The following RSL24D1 variants were observed in gnomAD, a reference collection of about 807,000 sequenced individuals.
The protein encoded by RSL24D1 is probable ribosome biogenesis protein RLP24.
In RSL24D1, 6 loss-of-function variants were observed where a neutral mutation model predicts 26.2. The observed-to-expected ratio is 0.23, with a 90% CI of 0.13 to 0.45. The LOEUF (loss-of-function observed/expected upper bound fraction) is 0.45, where lower values mean the gene tolerates loss of function less well. Among genes scored for constraint, RSL24D1 ranks in the 20% least tolerant of loss-of-function variants. The pLI is 0.99. For missense variants in RSL24D1, 176 were observed against 202.6 expected, an observed-to-expected ratio of 0.87 and a Z score of 0.80; for synonymous variants, 61 against 59.1, an observed-to-expected ratio of 1.03 and a Z score of -0.15.
chr15:55,190,860 C>T (rs1386692365), intron 3 of RSL24D1, 115 bp downstream of exon 3: 2 of 707,362 alleles, frequency 2.8e-6, no homozygotes, highest in Non-Finnish European at 4.8e-6. Flanking sequence ...ATAATAAAAG[C>T]CAAGGAATGA....
chr15:55,183,085 G>A (rs1894186921), intron 5 of RSL24D1, among the ~76,000 whole-genome samples: 1 of 152,108 alleles, frequency 6.6e-6, no homozygotes, highest in African/African-American at 2.4e-5. Context: ...AAATCATTTT[G>A]CATAACTTGG....
chr15:55,189,103 A>G (rs1428408648), intron 3 of RSL24D1, among the ~76,000 whole-genome samples: 2 of 151,626 alleles, frequency 1.3e-5, no homozygotes, highest in Admixed American at 1.3e-4. Flanking sequence ...TGAGGCAGGA[A>G]AATTGCTTGA....
At chr15:55,186,800 T>TGA (rs60099740) in intron 3 of RSL24D1, among the ~76,000 whole-genome samples, 41,309 of 151,960 alleles carry the variant, frequency 0.27, 7,282 homozygotes, top group African/African-American at 0.5. Context: ...TGTGGTTATG[T>TGA]GAGAATGCTC....
chr15:55,185,463 T>C (rs1241722531), intron 3 of RSL24D1, 38 bp from the exon 4 acceptor site: 2 of 1,455,716 alleles, frequency 1.4e-6, no homozygotes, highest in South Asian at 2.4e-5. Flanking sequence ...TGTATGCACA[T>C]TCAAGCGGTA....
rs1303810947 is a variant in RSL24D1, at chr15:55,181,381, T to C, written c.*771A>G. The C allele has an allele frequency of 2.0e-5, 3 of 152,610 alleles. No individual in the cohort carries two copies. Among genetic ancestry groups the C allele is most frequent in the Admixed American group, 2.0e-4 (3 of 15,268 alleles). The allele number at this position is 152,610 out of a possible 1,614,324, so 9.5% of individuals were successfully genotyped here. On this transcript the variant is annotated 3_prime_UTR_variant, in exon 6 of 6. Coordinates refer to ENST00000260443, the MANE Select transcript of RSL24D1 (RefSeq NM_016304.3). ...TACGTTGTACCCATAAATTCTACTT[T>C]CCAAAAACAGGAGCTTTTTAAAAGA...
intron 4 of RSL24D1, among the ~76,000 whole-genome samples, chr15:55,185,043 A>C (rs965564893): frequency 2.0e-5 from 3 of 152,214 alleles, no homozygotes; most frequent in Non-Finnish European, 2.9e-5. Context: ...TAGATTATAT[A>C]ATAGTATTAC....
At position 55,192,207 on chromosome 15, in the gene RSL24D1, G is replaced by A. The variant is rs576355916; in HGVS notation, c.195+513C>T. ...TCTCCTTCCTTTGCAGGGACTGAACGTGGACAGCTTCAAAATACCCTTTTA... is the reference window on the plus strand; with the variant it reads ...TCTCCTTCCTTTGCAGGGACTGAACATGGACAGCTTCAAAATACCCTTTTA... On this transcript the variant is annotated intron_variant, in intron 2 of 5. Coordinates refer to ENST00000260443, the MANE Select transcript of RSL24D1 (RefSeq NM_016304.3). Among the ~76,000 whole-genome samples, 3 of 152,234 alleles carry A rather than the reference G, an allele frequency of 2.0e-5. No homozygotes were observed. In the East Asian group the frequency reaches 5.8e-4, roughly 29 times the overall value.
At chr15:55,185,218 A>G in intron 4 of RSL24D1, 144 bp downstream of exon 4, 2 of 541,808 alleles carry the variant, frequency 3.7e-6, no homozygotes, top group Non-Finnish European at 3.3e-6. Context: ...AGCAGAATAT[A>G]CAAGAGTTCT....
At chr15:55,192,103 G>A (rs1013993167) in intron 2 of RSL24D1, among the ~76,000 whole-genome samples, 2 of 152,180 alleles carry the variant, frequency 1.3e-5, no homozygotes, top group South Asian at 4.1e-4. Flanking sequence ...CATTGGTTTG[G>A]TGGGTAAAGG....
chr15:55,195,946 G>T (rs547199131), intron 1 of RSL24D1, among the ~76,000 whole-genome samples: 1 of 152,114 alleles, frequency 6.6e-6, no homozygotes, highest in Non-Finnish European at 1.5e-5. Context: ...AATAGATCTG[G>T]TGAAAACCAG....
intron 2 of RSL24D1, 107 bp from the exon 3 acceptor site, chr15:55,191,154 C>G: frequency 1.4e-6 from 1 of 726,774 alleles, no homozygotes; most frequent in Non-Finnish European, 2.2e-6. Context: ...GAACATACAC[C>G]TAGATTCACC....
At chr15:55,190,050 C>T (rs1014292020) in intron 3 of RSL24D1, among the ~76,000 whole-genome samples, 5 of 152,054 alleles carry the variant, frequency 3.3e-5, no homozygotes, top group African/African-American at 1.2e-4. Flanking sequence ...GAGTTCAAGG[C>T]CACCCTGGCC....
intron 2 of RSL24D1, among the ~76,000 whole-genome samples, chr15:55,191,549 T>C (rs768791352): frequency 2.9e-4 from 44 of 152,202 alleles, no homozygotes; most frequent in Middle Eastern, 3.4e-3. Flanking sequence ...ATGAAAACTA[T>C]ATATATCTTC....
At chr15:55,196,575 G>A in intron 1 of RSL24D1, 1 of 589,332 alleles carries the variant, frequency 1.7e-6, no homozygotes, top group Non-Finnish European at 3.0e-6. Flanking sequence ...GAAGTTCCTC[G>A]CTGCCAACGC....
chr15:55,195,024 C>CAAAAAA (rs34525957), intron 1 of RSL24D1, among the ~76,000 whole-genome samples: 4 of 48,280 alleles, frequency 8.3e-5, no homozygotes, highest in African/African-American at 3.2e-4. Context: ...GACCCTGTCT[C>CAAAAAA]AAAAAAAAAA....
intron 3 of RSL24D1, among the ~76,000 whole-genome samples, chr15:55,190,521 T>C (rs896310209): frequency 6.6e-6 from 1 of 152,198 alleles, no homozygotes; most frequent in African/African-American, 2.4e-5. Flanking sequence ...TTTGTAATGA[T>C]GACCTTAAGC....
intron 3 of RSL24D1, among the ~76,000 whole-genome samples, chr15:55,187,470 A>C (rs765813156): frequency 4.6e-5 from 7 of 152,212 alleles, no homozygotes; most frequent in Non-Finnish European, 4.4e-5. Flanking sequence ...TACAATTCAC[A>C]ACTGCAAAGA....
At chr15:55,187,958 G>C (rs1024790732) in intron 3 of RSL24D1, among the ~76,000 whole-genome samples, 1 of 152,158 alleles carries the variant, frequency 6.6e-6, no homozygotes, top group African/African-American at 2.4e-5. Context: ...AAATCTGACA[G>C]ATATTAACAA....
chr15:55,191,119 C>G, intron 2 of RSL24D1, 72 bp from the exon 3 acceptor site: 1 of 1,023,900 alleles, frequency 9.8e-7, no homozygotes. Flanking sequence ...CTTAAAACGT[C>G]TTCCTTTTCC....
Sources: gnomAD v4.1 joint callset for allele counts (sites outside exome capture counted in the v4.1 genomes callset) on GRCh38, gnomAD v4.1.1 for gene constraint, MANE v1.5 for transcripts, NCBI Gene and HGNC (gene_info 2026-07-23, HGNC 2026-07-21) for gene names.